The following CARNMT1 variants were observed in gnomAD, a reference collection of about 807,000 sequenced individuals.
CARNMT1 encodes the protein carnosine N-methyltransferase 1.
In CARNMT1, 28 loss-of-function variants were observed where a neutral mutation model predicts 49.6. That is an observed-to-expected ratio of 0.56 (90% CI 0.42 to 0.77). CARNMT1 has a LOEUF of 0.77. Among genes scored for constraint, CARNMT1 ranks in the 30% least tolerant of loss-of-function variants. CARNMT1 has a pLI of 0.00. For synonymous variants in CARNMT1, 178 were observed against 175.0 expected, an observed-to-expected ratio of 1.02 and a Z score of -0.13; for missense variants, 421 against 512.6, an observed-to-expected ratio of 0.82 and a Z score of 1.73.
At chr9:74,992,218 G>A (rs1833045970) in intron 6 of CARNMT1, among the ~76,000 whole-genome samples, 1 of 151,778 alleles carries the variant, frequency 6.6e-6, no homozygotes, top group African/African-American at 2.4e-5. Flanking sequence ...GTTGCAGTGA[G>A]CCGAGATGGT....
chr9:75,028,306 G>A (rs1183903689), upstream of CARNMT1: 11 of 1,330,896 alleles, frequency 8.3e-6, no homozygotes, highest in Admixed American at 4.2e-5. Context: ...GGTGGCGGCT[G>A]CTTGGCCTTC....
intron 6 of CARNMT1, 24 bp downstream of exon 6, chr9:74,996,423 T>C (rs1231316145): frequency 7.8e-7 from 1 of 1,279,372 alleles, no homozygotes; most frequent in African/African-American, 1.5e-5. Flanking sequence ...TATACAAAAT[T>C]TTAGTAAATA....
At chr9:75,020,177 ATGTATG>A (rs1312858904) in intron 1 of CARNMT1, among the ~76,000 whole-genome samples, 1 of 151,750 alleles carries the variant, frequency 6.6e-6, no homozygotes, top group Non-Finnish European at 1.5e-5. Context: ...ATATCTATAT[ATGTATG>A]TGTATATGTT....
At chr9:75,020,937 C>T (rs1178923330) in intron 1 of CARNMT1, among the ~76,000 whole-genome samples, 1 of 152,116 alleles carries the variant, frequency 6.6e-6, no homozygotes, top group East Asian at 1.9e-4. Context: ...CAAATTACCG[C>T]CTTCCTTTGT....
chr9:75,028,099 G>C lies in CARNMT1; in HGVS notation c.143C>G (p.Ala48Gly), dbSNP rs1002246658. ...CTCCTCGGTGCTGCGCGTGGCCGCC[G>C]CCGCTGCCGCCGAAACCGCCGCGGC... ...GSAAAVSAAA[A>G]AATRSTEEEE... The change falls in exon 1 of 8, where the codon GCG becomes GGG. Residue 48 changes from alanine to glycine, a missense_variant. By Grantham distance (60) the Ala-to-Gly change is moderately conservative (BLOSUM62 0). This residue lies in a region of CARNMT1 where 186 missense variants were observed against 167.9 expected (regional missense o/e 1.11). Transcript: ENST00000376834. 1 of 1,553,562 alleles carries C rather than the reference G, an allele frequency of 6.4e-7. No individual in the cohort carries two copies. Among genetic ancestry groups the C allele is most frequent in the African/African-American group, 1.4e-5 (1 of 70,734 alleles).
At position 74,999,795 on chromosome 9, in the gene CARNMT1, A is replaced by T; in HGVS notation, c.666T>A (p.Gly222=). The change falls in exon 4 of 8, where the codon GGT becomes GGA. Residue 222 remains glycine, a synonymous_variant. Coordinates refer to ENST00000376834, the MANE Select transcript of CARNMT1 (RefSeq NM_152420.3). ...GRLAWEIAML[G]YACQGNEWSF... is the part of the protein sequence containing the mutation. The stretch of plus-strand genomic sequence containing the variant: ...TCCATTCATTTCCTTGACAAGCATA[A>T]CCTAGCATAGCTATTTCCCAGGCCA... 6.2e-7 allele frequency: 1 copy of T among 1,612,848 alleles called. No individual in the cohort carries two copies. The highest frequency in any genetic ancestry group is 8.5e-7 in the Non-Finnish European group (1 of 1,179,300).
intron 3 of CARNMT1, among the ~76,000 whole-genome samples, chr9:75,013,275 A>G (rs1481382354): frequency 6.6e-6 from 1 of 152,216 alleles, no homozygotes; most frequent in African/African-American, 2.4e-5. Flanking sequence ...TGCTGCAAAG[A>G]AAAATAAACA....
At chr9:74,998,807 A>G in intron 4 of CARNMT1, 31 bp from the exon 5 acceptor site, 1 of 1,363,686 alleles carries the variant, frequency 7.3e-7, no homozygotes. Context: ...ATCAGGTGTT[A>G]ACTAAATATT....
At chr9:74,993,825 C>T (rs1472607811) in intron 6 of CARNMT1, among the ~76,000 whole-genome samples, 3 of 152,126 alleles carry the variant, frequency 2.0e-5, no homozygotes, top group Non-Finnish European at 4.4e-5. Flanking sequence ...GTCAAAACCA[C>T]AATCGAGAAA....
rs576580806 is a variant in CARNMT1 at position 75,008,331 on chromosome 9, T to C, written c.590+7937A>G. On this transcript the variant is annotated intron_variant, in intron 3 of 7. Transcript: ENST00000376834. ...GAATTAAATACATACAAATAAATCTTTATAAATTTTTTTTTCTTGAGACGG... is the reference window on the plus strand; with the variant it reads ...GAATTAAATACATACAAATAAATCTCTATAAATTTTTTTTTCTTGAGACGG... 2.6e-5 allele frequency among the ~76,000 whole-genome samples: 4 copies of C among 152,314 alleles called. No homozygotes were observed. In the East Asian group the frequency reaches 7.7e-4, roughly 29 times the overall value.
chr9:75,004,034 C>T (rs1833436758), intron 3 of CARNMT1, among the ~76,000 whole-genome samples: 1 of 152,224 alleles, frequency 6.6e-6, no homozygotes, highest in Non-Finnish European at 1.5e-5. Context: ...TGCCACCACA[C>T]CCAGCTAATT....
chr9:74,983,870 T>G lies in CARNMT1; in HGVS notation c.1129-2A>C. The G allele has an allele frequency of 6.3e-7, 1 of 1,584,966 alleles. No homozygotes were observed. ...TGACAATACAGATTCTTTTTCCACC[T>G]GCAATGCAAACAATAATCATAATAC... On this transcript the variant is annotated splice_acceptor_variant, in intron 7 of 7. Coordinates refer to ENST00000376834, the MANE Select transcript of CARNMT1 (RefSeq NM_152420.3). LOFTEE classifies it high-confidence loss of function.
At chr9:75,020,264 CTTCT>C (rs1201834120) in intron 1 of CARNMT1, among the ~76,000 whole-genome samples, 1 of 133,948 alleles carries the variant, frequency 7.5e-6, no homozygotes, top group East Asian at 2.1e-4. Context: ...TTTCATTTTT[CTTCT>C]TTTTTTTTTT....
rs550040983 is a variant in CARNMT1 at position 75,007,747 on chromosome 9, A to T, written c.591-7877T>A. The stretch of plus-strand genomic sequence containing the variant: ...CTGTCTCAAAAAAATAAAAATAATA[A>T]AAAAAAAAAAACTAAGAAAATTCTT... On this transcript the variant is annotated intron_variant, in intron 3 of 7. Transcript: ENST00000376834. Among the ~76,000 whole-genome samples, 144 of 149,782 alleles carry T rather than the reference A, an allele frequency of 9.6e-4. 11 individuals are homozygous for T. The highest frequency in any genetic ancestry group is 8.0e-3 in the Admixed American group (120 of 15,044).
intron 1 of CARNMT1, among the ~76,000 whole-genome samples, chr9:75,018,004 T>C (rs1260755082): frequency 1.3e-5 from 2 of 152,200 alleles, no homozygotes; most frequent in Admixed American, 6.5e-5. Flanking sequence ...AAAGGTCACT[T>C]TGGGGACTAC....
chr9:74,995,706 T>C (rs1348879067), intron 6 of CARNMT1, among the ~76,000 whole-genome samples: 2 of 152,170 alleles, frequency 1.3e-5, no homozygotes, highest in African/African-American at 4.8e-5. Flanking sequence ...CGTTATGTCC[T>C]TTTATGTAGT....
intron 6 of CARNMT1, among the ~76,000 whole-genome samples, chr9:74,990,498 T>G (rs569480771): frequency 3.9e-5 from 6 of 152,186 alleles, no homozygotes; most frequent in Admixed American, 6.5e-5. Flanking sequence ...GTGTGTGTGT[T>G]TAGTTTTTCT....
In CARNMT1 at chr9:75,017,358, A is replaced by C. The variant is rs775775010; in HGVS notation, c.321T>G (p.Leu107=). The change falls in exon 2 of 8, where the codon CTT becomes CTG. Residue 107 remains leucine, a synonymous_variant. Transcript: ENST00000376834. The part of the protein sequence containing the change: ...NQQKLLPQFL[L]HLDKIRKCID... Reference sequence around the variant, plus strand: ...TGCATTTCCGGATCTTGTCCAAGTGAAGAAGAAACTGAGGAAGTAGTTTCT... The same window carrying C: ...TGCATTTCCGGATCTTGTCCAAGTGCAGAAGAAACTGAGGAAGTAGTTTCT... The C allele has an allele frequency of 3.7e-6, 6 of 1,614,010 alleles. No individual in the cohort carries two copies. Among genetic ancestry groups the C allele is most frequent in the Non-Finnish European group, 5.1e-6 (6 of 1,179,886 alleles).
intron 1 of CARNMT1, among the ~76,000 whole-genome samples, chr9:75,024,083 T>C (rs1775456584): frequency 6.6e-6 from 1 of 152,190 alleles, no homozygotes; most frequent in Non-Finnish European, 1.5e-5. Flanking sequence ...TTTAGTCACC[T>C]GTCATCAGGG....
Sources: allele counts gnomAD v4.1 joint callset (sites outside exome capture counted in the v4.1 genomes callset), GRCh38; gene constraint gnomAD v4.1.1; regional missense constraint gnomAD v4.1.1; transcripts MANE v1.5; gene names NCBI Gene and HGNC (gene_info 2026-07-23, HGNC 2026-07-21).